The following THSD7A variants were observed in gnomAD, a reference collection of about 807,000 sequenced individuals.
THSD7A encodes the protein thrombospondin type-1 domain-containing protein 7A.
A neutral mutation model predicts 231.3 loss-of-function variants in THSD7A; 96 were observed. That is an observed-to-expected ratio of 0.41 (90% CI 0.35 to 0.49). The LOEUF is 0.49. Ranked by LOEUF, THSD7A falls within the 20% of genes least tolerant of loss-of-function variation. The pLI, the probability that THSD7A is intolerant of heterozygous loss-of-function variation, is 0.05. For synonymous variants in THSD7A, 940 were observed against 743.3 expected (o/e 1.26, Z -4.30); for missense variants, 2,290 against 2,070.2 (o/e 1.11, Z -2.06).
intron 3 of THSD7A, 110 bp downstream of exon 3, chr7:11,593,144 A>G (rs2128341856): frequency 7.1e-7 from 1 of 1,406,976 alleles, no homozygotes. Flanking sequence ...GTTTGTAAAG[A>G]TATTTTTTAT....
At chr7:11,423,931 A>C (rs534920864) in intron 16 of THSD7A, among the ~76,000 whole-genome samples, 1 of 152,194 alleles carries the variant, frequency 6.6e-6, no homozygotes, top group Non-Finnish European at 1.5e-5. Flanking sequence ...AATTCCTATG[A>C]ATATGTGGGG....
chr7:11,493,902 T>C (rs1377489711), intron 6 of THSD7A, among the ~76,000 whole-genome samples: 1 of 151,760 alleles, frequency 6.6e-6, no homozygotes, highest in African/African-American at 2.4e-5. Flanking sequence ...TTTTGACGAG[T>C]GTTAGGAGGA....
At chr7:11,555,178 G>A (rs1255382851) in intron 4 of THSD7A, among the ~76,000 whole-genome samples, 1 of 151,522 alleles carries the variant, frequency 6.6e-6, no homozygotes. Flanking sequence ...CTCTAGATGG[G>A]AGCTTTGATT....
intron 6 of THSD7A, among the ~76,000 whole-genome samples, chr7:11,533,698 C>T (rs1008925207): frequency 2.0e-5 from 3 of 152,100 alleles, no homozygotes; most frequent in African/African-American, 4.8e-5. Flanking sequence ...AATGAGAACA[C>T]AGGGACATAG....
rs1279702883 is a variant in THSD7A, at chr7:11,412,758, T to C, written c.3580A>G (p.Ile1194Val). Residue 1194 changes from isoleucine (I) to valine (V), a missense_variant, in exon 18 of 28, where the codon ATC becomes GTC. Coordinates refer to ENST00000423059, the MANE Select transcript of THSD7A (RefSeq NM_015204.3). The part of the protein sequence containing the change: ...SSFRQRSADP[I>V]RQPADEGRSC... ...CTTCCTTCATCAGCTGGTTGTCTGATGGGATCAGCTGACCTTTGCCGGAAA... is the reference window on the plus strand; with the variant it reads ...CTTCCTTCATCAGCTGGTTGTCTGACGGGATCAGCTGACCTTTGCCGGAAA... 2 of 1,613,566 alleles carry C rather than the reference T, an allele frequency of 1.2e-6. No homozygotes were observed. Among genetic ancestry groups the C allele is most frequent in the East Asian group, 2.2e-5 (1 of 44,866 alleles).
chr7:11,535,495 T>A (rs759842064), intron 6 of THSD7A, among the ~76,000 whole-genome samples: 16 of 151,484 alleles, frequency 1.1e-4, no homozygotes, highest in Non-Finnish European at 2.9e-5. Context: ...GAATAAAGAG[T>A]CTCAACCCAA....
At chr7:11,505,071 T>C (rs1178933393) in intron 6 of THSD7A, among the ~76,000 whole-genome samples, 4 of 152,146 alleles carry the variant, frequency 2.6e-5, no homozygotes, top group African/African-American at 4.8e-5. Context: ...TCTCATTTGG[T>C]TCGGTAGGAA....
chr7:11,768,743 G>A (rs34132407), intron 1 of THSD7A, among the ~76,000 whole-genome samples: 23,341 of 151,818 alleles, frequency 0.15, 2,287 homozygotes, highest in Admixed American at 0.26. Flanking sequence ...TTTATTCTAC[G>A]TTGTTAATTT....
chr7:11,663,315 G>A (rs1783003280), intron 1 of THSD7A, among the ~76,000 whole-genome samples: 1 of 151,330 alleles, frequency 6.6e-6, no homozygotes, highest in Non-Finnish European at 1.5e-5. Flanking sequence ...AATGACATTA[G>A]GAGATGTAGA....
rs1168903994 is a variant in THSD7A, at chr7:11,632,258, C to A, written c.1022+3872G>T. ...TACTAAATATTCTAGACAAGCACAA[C>A]TACATCCTTTTCTATTTTTCCAAGT... is the stretch of plus-strand genomic sequence containing the variant. On this transcript the variant is annotated intron_variant, in intron 2 of 27. Transcript: ENST00000423059. The surrounding 1 kb of genome is among the most constrained non-coding windows in gnomAD (Gnocchi z 4.1). Among the ~76,000 whole-genome samples, 3 of 152,100 alleles carry A rather than the reference C, an allele frequency of 2.0e-5. No individual in the cohort carries two copies. The highest frequency in any genetic ancestry group is 4.4e-5 in the Non-Finnish European group (3 of 68,012).
intron 6 of THSD7A, among the ~76,000 whole-genome samples, chr7:11,540,799 C>G (rs1264165178): frequency 6.6e-6 from 1 of 152,144 alleles, no homozygotes; most frequent in African/African-American, 2.4e-5. Context: ...TTGTAAAAGT[C>G]CAAGGTAATT....
Position 11,407,442 on chromosome 7 carries a change from A to C in THSD7A, c.3799-19T>G, listed in dbSNP as rs762603359. 1 of 1,578,180 alleles carries C rather than the reference A, an allele frequency of 6.3e-7. No individual in the cohort carries two copies. The highest frequency in any genetic ancestry group is 1.3e-5 in the African/African-American group (1 of 74,340). On this transcript the variant is annotated intron_variant, in intron 19 of 27. Coordinates refer to ENST00000423059, the MANE Select transcript of THSD7A (RefSeq NM_015204.3). ...AGCCAAGCTGGAAGAACAGAGGTAG[A>C]TCAGGATGTATATTGTAAATTGGGG...
At chr7:11,794,312 GAC>G (rs1784054275) in intron 1 of THSD7A, among the ~76,000 whole-genome samples, 1 of 151,902 alleles carries the variant, frequency 6.6e-6, no homozygotes, top group Non-Finnish European at 1.5e-5. Context: ...TCAAAGCTCT[GAC>G]AGTGTTTCCT....
Position 11,702,186 on chromosome 7 carries a change from G to A in THSD7A, c.191-65225C>T, listed in dbSNP as rs114487450. On this transcript the variant is annotated intron_variant, in intron 1 of 27. Transcript: ENST00000423059. ...GGGTTAAAACAGCACCCATTTATTA[G>A]TTCATACTTCTAAAACCAGAGTCTG... Among the ~76,000 whole-genome samples, 156 of 151,338 alleles carry A rather than the reference G, an allele frequency of 1.0e-3. 2 individuals are homozygous for A. The highest frequency in any genetic ancestry group is 3.5e-3 in the African/African-American group (145 of 41,430).
chr7:11,753,329 T>C (rs1484962240), intron 1 of THSD7A, among the ~76,000 whole-genome samples: 1 of 152,108 alleles, frequency 6.6e-6, no homozygotes, highest in East Asian at 1.9e-4. Flanking sequence ...CTAGAGATTC[T>C]GAAGTCAAAT....
At chr7:11,575,378 A>T (rs1790848220) in intron 4 of THSD7A, among the ~76,000 whole-genome samples, 1 of 152,184 alleles carries the variant, frequency 6.6e-6, no homozygotes, top group African/African-American at 2.4e-5. Context: ...ATTTTCCTTT[A>T]TCAGTGCCTA....
At chr7:11,383,331 A>G (rs1782599481) in intron 23 of THSD7A, among the ~76,000 whole-genome samples, 1 of 152,046 alleles carries the variant, frequency 6.6e-6, no homozygotes. Context: ...ATAGAATTCC[A>G]TTGTACTACA....
chr7:11,678,460 AAAG>A (rs1247287173), intron 1 of THSD7A, among the ~76,000 whole-genome samples: 2 of 152,156 alleles, frequency 1.3e-5, no homozygotes, highest in African/African-American at 4.8e-5. Flanking sequence ...CCTGAGAAAT[AAAG>A]AAGAAAAGAG....
chr7:11,719,502 AACTT>A (rs549862313), intron 1 of THSD7A, among the ~76,000 whole-genome samples: 51 of 151,626 alleles, frequency 3.4e-4, no homozygotes, highest in South Asian at 6.2e-4. Flanking sequence ...CAATTTGCAA[AACTT>A]ACTTACTTTT....
Sources: gnomAD v4.1 joint callset for allele counts (sites outside exome capture counted in the v4.1 genomes callset) on GRCh38, gnomAD v4.1.1 for gene constraint, Gnocchi (gnomAD v3.1) non-coding constraint, MANE v1.5 for transcripts, NCBI Gene and HGNC (gene_info 2026-07-23, HGNC 2026-07-21) for gene names.